PAPSS1: variants seen among roughly 807,000 people sequenced by gnomAD.
PAPSS1 encodes the protein bifunctional 3'-phosphoadenosine 5'-phosphosulfate synthase 1.
A neutral mutation model predicts 72.0 loss-of-function variants in PAPSS1; 50 were observed. The observed-to-expected ratio is 0.69, with a 90% CI of 0.55 to 0.88. PAPSS1 has a LOEUF of 0.88. Among genes scored for constraint, PAPSS1 ranks in the 40% least tolerant of loss-of-function variants. The pLI is 0.00. For missense variants in PAPSS1, 657 were observed against 782.2 expected (o/e 0.84, Z 1.91); for synonymous variants, 261 against 263.6 (o/e 0.99, Z 0.09).
intron 4 of PAPSS1, among the ~76,000 whole-genome samples, chr4:107,684,793 A>C (rs6820702): frequency 0.079 from 11,971 of 151,984 alleles, 1,625 homozygotes; most frequent in African/African-American, 0.27. Context: ...TGCCTCTCTA[A>C]AATGTATAAA....
intron 9 of PAPSS1, among the ~76,000 whole-genome samples, chr4:107,651,593 G>A (rs1726841056): frequency 6.6e-6 from 1 of 152,140 alleles, no homozygotes; most frequent in Non-Finnish European, 1.5e-5. Flanking sequence ...ATGGTGGCAG[G>A]AGAGAGAATG....
intron 5 of PAPSS1, among the ~76,000 whole-genome samples, chr4:107,666,501 G>C (rs1361367515): frequency 2.0e-5 from 3 of 152,214 alleles, no homozygotes; most frequent in African/African-American, 4.8e-5. Flanking sequence ...TATCTATCCT[G>C]ATTATATTAC....
At chr4:107,662,523 T>G (rs1474998807) in intron 5 of PAPSS1, among the ~76,000 whole-genome samples, 2 of 151,974 alleles carry the variant, frequency 1.3e-5, no homozygotes, top group African/African-American at 4.8e-5. Context: ...TATCTTAAAT[T>G]TTGCCAAGGA....
At chr4:107,690,234 C>T (rs1722881019) in intron 3 of PAPSS1, among the ~76,000 whole-genome samples, 2 of 152,178 alleles carry the variant, frequency 1.3e-5, no homozygotes, top group African/African-American at 4.8e-5. Context: ...GTGCAGAAGT[C>T]ACCACCTAGC....
intron 1 of PAPSS1, among the ~76,000 whole-genome samples, chr4:107,708,020 G>A (rs1397094776): frequency 2.0e-5 from 3 of 152,002 alleles, no homozygotes; most frequent in Admixed American, 2.0e-4. Context: ...AAAATCCTCT[G>A]GGACCAAAGG....
chr4:107,652,020 C>T (rs187812524), intron 9 of PAPSS1, among the ~76,000 whole-genome samples: 19 of 152,180 alleles, frequency 1.2e-4, no homozygotes, highest in Non-Finnish European at 1.8e-4. Flanking sequence ...TGGAGTTCAC[C>T]GACACTAAGA....
intron 10 of PAPSS1, among the ~76,000 whole-genome samples, chr4:107,639,676 G>T: frequency 6.6e-6 from 1 of 152,108 alleles, no homozygotes; most frequent in East Asian, 1.9e-4. Flanking sequence ...AGAGTCAAAG[G>T]TACAAGTAAA....
chr4:107,623,773 C>T (rs1351572508), intron 11 of PAPSS1, among the ~76,000 whole-genome samples: 2 of 152,158 alleles, frequency 1.3e-5, no homozygotes, highest in Non-Finnish European at 2.9e-5. Flanking sequence ...AATCAATACT[C>T]TCAAGTTTGT....
At chr4:107,673,336 C>G (rs1175233187) in intron 5 of PAPSS1, among the ~76,000 whole-genome samples, 1 of 152,020 alleles carries the variant, frequency 6.6e-6, no homozygotes, top group African/African-American at 2.4e-5. Flanking sequence ...AAATGGCTAA[C>G]TAGAATAACC....
At chr4:107,629,221 G>A (rs892554824) in intron 11 of PAPSS1, among the ~76,000 whole-genome samples, 8 of 152,200 alleles carry the variant, frequency 5.3e-5, no homozygotes, top group Non-Finnish European at 8.8e-5. Flanking sequence ...TTATGGTTAA[G>A]CTTGGGTAAA....
chr4:107,716,823 A>C (rs1723651145), intron 1 of PAPSS1, among the ~76,000 whole-genome samples: 1 of 152,222 alleles, frequency 6.6e-6, no homozygotes. Flanking sequence ...CATTTCCCAG[A>C]GCTGTAAGAC....
intron 3 of PAPSS1, among the ~76,000 whole-genome samples, chr4:107,690,366 C>T (rs923591574): frequency 5.3e-5 from 8 of 152,152 alleles, no homozygotes; most frequent in African/African-American, 1.9e-4. Context: ...ACTATACTGT[C>T]TCCTCTGTCT....
chr4:107,652,226 C>G (rs1001927514), intron 9 of PAPSS1, among the ~76,000 whole-genome samples: 1 of 152,194 alleles, frequency 6.6e-6, no homozygotes, highest in Non-Finnish European at 1.5e-5. Flanking sequence ...GTGCTTAGGG[C>G]CAAACCATCT....
rs1726948264 is a variant in PAPSS1 at position 107,654,731 on chromosome 4, C to T, written c.1065G>A (p.Gln355=). Residue 355 remains glutamine (Q), a synonymous_variant, in exon 8 of 12, where the codon CAG becomes CAA. Coordinates refer to ENST00000265174, the MANE Select transcript of PAPSS1 (RefSeq NM_005443.5). ...GGTGGTTCTTGCATGTCGTTCCCCACTGTCTGGCACAGCGCTCCTCTTTCC... is the reference window on the plus strand; with the variant it reads ...GGTGGTTCTTGCATGTCGTTCCCCATTGTCTGGCACAGCGCTCCTCTTTCC... ...EHRKEERCAR[Q]WGTTCKNHPY... The T allele has an allele frequency of 6.2e-7, 1 of 1,613,482 alleles. No homozygotes were observed. The highest frequency in any genetic ancestry group is 8.5e-7 in the Non-Finnish European group (1 of 1,179,860).
chr4:107,644,709 A>G (rs865898500), intron 10 of PAPSS1, 93 bp downstream of exon 10: 2 of 1,242,034 alleles, frequency 1.6e-6, no homozygotes, highest in Middle Eastern at 4.8e-4. Flanking sequence ...ACAGGCCTAC[A>G]GAGCACAGAA....
intron 5 of PAPSS1, among the ~76,000 whole-genome samples, chr4:107,675,551 C>T (rs1435430264): frequency 6.6e-6 from 1 of 152,088 alleles, no homozygotes; most frequent in African/African-American, 2.4e-5. Flanking sequence ...TAATAACTTA[C>T]CAACCAAAAA....
At chr4:107,653,266 C>T (rs1355889834) in intron 9 of PAPSS1, among the ~76,000 whole-genome samples, 1 of 152,020 alleles carries the variant, frequency 6.6e-6, no homozygotes, top group Non-Finnish European at 1.5e-5. Context: ...AAGGTAAATT[C>T]TGCATTAGCA....
Position 107,631,839 on chromosome 4 carries a change from G to C in PAPSS1, c.1528C>G (p.Arg510Gly). Reference sequence around the variant, plus strand: ...TAAAAGTTGGCTCCTGCAACCATCCGTGCTCTGCAATGCCACTGGACCTAG... The same window carrying C: ...TAAAAGTTGGCTCCTGCAACCATCCCTGCTCTGCAATGCCACTGGACCTAG... ...PTEVQWHCRA[R>G]MVAGANFYIV... Residue 510 changes from arginine (R) to glycine (G), a missense_variant, in exon 11 of 12, where the codon CGG (arginine) becomes GGG (glycine). Physicochemically the swap from Arg to Gly is moderately radical, Grantham distance 125. Around this residue, in one of 7 missense-constraint regions of PAPSS1, gnomAD observed 166 missense variants for 228.3 expected, o/e 0.73. Transcript: ENST00000265174. The C allele has an allele frequency of 6.2e-7, 1 of 1,613,554 alleles. No individual in the cohort carries two copies. The highest frequency in any genetic ancestry group is 1.1e-5 in the South Asian group (1 of 91,040).
intron 4 of PAPSS1, among the ~76,000 whole-genome samples, chr4:107,683,684 T>C (rs1722692036): frequency 6.6e-6 from 1 of 152,188 alleles, no homozygotes; most frequent in African/African-American, 2.4e-5. Context: ...AAAACTATCT[T>C]AAGCAGTCAT....
Sources: gnomAD v4.1 joint callset for allele counts (sites outside exome capture counted in the v4.1 genomes callset) on GRCh38, gnomAD v4.1.1 for gene constraint, gnomAD v4.1.1 regional missense constraint, MANE v1.5 for transcripts, NCBI Gene and HGNC (gene_info 2026-07-23, HGNC 2026-07-21) for gene names.